The following CNTNAP2 variants were observed in gnomAD, a reference collection of about 807,000 sequenced individuals.
CNTNAP2 encodes contactin-associated protein-like 2.
A neutral mutation model predicts 155.2 loss-of-function variants in CNTNAP2; 98 were observed. The observed-to-expected ratio is 0.63, with a 90% CI of 0.54 to 0.75. The LOEUF is 0.75. CNTNAP2 is among the 30% of genes least tolerant of loss of function. CNTNAP2 has a pLI of 0.00. For missense variants in CNTNAP2, 1,727 were observed against 1,688.1 expected (o/e 1.02, Z -0.40); for synonymous variants, 651 against 631.2 (o/e 1.03, Z -0.47).
chr7:147,568,855 T>C (rs1584820495), intron 12 of CNTNAP2, among the ~76,000 whole-genome samples: 1 of 152,198 alleles, frequency 6.6e-6, no homozygotes, highest in South Asian at 2.1e-4. Flanking sequence ...TAATGCTCGA[T>C]CCAGCCATTA....
At chr7:148,247,172 T>C (rs1461709159) in intron 20 of CNTNAP2, among the ~76,000 whole-genome samples, 1 of 152,250 alleles carries the variant, frequency 6.6e-6, no homozygotes, top group Non-Finnish European at 1.5e-5. Flanking sequence ...TTGGTCCTTA[T>C]TGGCCATGAG....
chr7:148,399,849 C>T (rs1799544876), intron 22 of CNTNAP2, among the ~76,000 whole-genome samples: 1 of 151,322 alleles, frequency 6.6e-6, no homozygotes, highest in South Asian at 2.1e-4. Flanking sequence ...ATTTCAGCTC[C>T]CTCTCAGACA....
chr7:146,784,580 G>A (rs1802542423), intron 2 of CNTNAP2, among the ~76,000 whole-genome samples: 2 of 152,142 alleles, frequency 1.3e-5, no homozygotes, highest in South Asian at 4.1e-4. Flanking sequence ...TTGTTGATAT[G>A]GATCTAGATT....
intron 13 of CNTNAP2, among the ~76,000 whole-genome samples, chr7:147,698,460 CAACT>C (rs956454461): frequency 3.3e-5 from 5 of 152,078 alleles, no homozygotes; most frequent in East Asian, 1.9e-4. Flanking sequence ...TGTCAGTTAC[CAACT>C]GTCTATTAAA....
chr7:147,364,139 C>T (rs1010498024), intron 9 of CNTNAP2, among the ~76,000 whole-genome samples: 1 of 152,134 alleles, frequency 6.6e-6, no homozygotes, highest in Admixed American at 6.6e-5. Flanking sequence ...TGAGAGCTTA[C>T]ATTATCTTTT....
chr7:146,545,969 A>G (rs181464402), intron 1 of CNTNAP2, among the ~76,000 whole-genome samples: 18 of 152,082 alleles, frequency 1.2e-4, no homozygotes, highest in African/African-American at 4.3e-4. Flanking sequence ...AAAAATGAAA[A>G]CAATGGATCA....
At chr7:146,960,160 C>T (rs1414195785) in intron 3 of CNTNAP2, among the ~76,000 whole-genome samples, 1 of 152,118 alleles carries the variant, frequency 6.6e-6, no homozygotes, top group Non-Finnish European at 1.5e-5. Flanking sequence ...CTTATGCCAT[C>T]CTACTGGGGA....
intron 12 of CNTNAP2, among the ~76,000 whole-genome samples, chr7:147,636,201 A>C (rs1012546525): frequency 2.4e-4 from 36 of 152,170 alleles, no homozygotes; most frequent in African/African-American, 8.7e-4. Flanking sequence ...ATATATTACC[A>C]TGGGGGACAC....
intron 9 of CNTNAP2, among the ~76,000 whole-genome samples, chr7:147,371,050 T>C (rs996012716): frequency 6.6e-6 from 1 of 152,118 alleles, no homozygotes; most frequent in Non-Finnish European, 1.5e-5. Context: ...AATGGGTAAT[T>C]TAAAATAGCC....
At chr7:146,804,117 T>A (rs1267871594) in intron 2 of CNTNAP2, among the ~76,000 whole-genome samples, 1 of 152,104 alleles carries the variant, frequency 6.6e-6, no homozygotes, top group African/African-American at 2.4e-5. Context: ...ATTATATATA[T>A]GCAGGCACAG....
Position 147,441,924 on chromosome 7 carries a change from C to T in CNTNAP2, c.1671-44011C>T, listed in dbSNP as rs571343387. ...CCACGTGGAGCTGGGAGTGGAATGA[C>T]GTAAGCACCCCTATGGCAACCACCA... is the stretch of plus-strand genomic sequence containing the variant. On this transcript the variant is annotated intron_variant, in intron 10 of 23. Transcript: ENST00000361727. Among the ~76,000 whole-genome samples, 8 of 140,704 alleles carry T rather than the reference C, an allele frequency of 5.7e-5. No homozygotes were observed. In the East Asian group the frequency reaches 7.6e-4, roughly 13 times the overall value. The allele number at this position is 140,704 out of a possible 152,430, so 92.3% of individuals were successfully genotyped here.
intron 1 of CNTNAP2, among the ~76,000 whole-genome samples, chr7:146,763,273 A>G (rs1427888737): frequency 6.6e-6 from 1 of 152,110 alleles, no homozygotes; most frequent in Non-Finnish European, 1.5e-5. Flanking sequence ...TACTCCACAG[A>G]TATCAGATAA....
intron 1 of CNTNAP2, among the ~76,000 whole-genome samples, chr7:146,234,997 C>A (rs1192267292): frequency 6.6e-6 from 1 of 152,062 alleles, no homozygotes; most frequent in African/African-American, 2.4e-5. Context: ...TTGCAAACAC[C>A]TGGGACAAAG....
At chr7:147,040,605 C>G (rs1478793604) in intron 3 of CNTNAP2, among the ~76,000 whole-genome samples, 1 of 151,608 alleles carries the variant, frequency 6.6e-6, no homozygotes, top group African/African-American at 2.4e-5. Flanking sequence ...GGATTACAGG[C>G]GTGCATGACC....
At chr7:148,064,677 TAA>T (rs35247645) in intron 15 of CNTNAP2, among the ~76,000 whole-genome samples, 16,258 of 126,054 alleles carry the variant, frequency 0.13, 1,573 homozygotes, top group African/African-American at 0.28. Context: ...TAATAGCTGT[TAA>T]AAAAAAAAAA....
chr7:146,573,695 T>C (rs1293771054), intron 1 of CNTNAP2, among the ~76,000 whole-genome samples: 1 of 152,208 alleles, frequency 6.6e-6, no homozygotes, highest in Non-Finnish European at 1.5e-5. Flanking sequence ...TTTTTACTTA[T>C]CAAGCTTGCA....
chr7:147,220,674 C>T (rs762292648), intron 8 of CNTNAP2, among the ~76,000 whole-genome samples: 16 of 152,002 alleles, frequency 1.1e-4, no homozygotes, highest in Admixed American at 2.0e-4. Flanking sequence ...TGTATGATTA[C>T]GTGTTCTCTC....
chr7:146,517,100 T>C lies in CNTNAP2; in HGVS notation c.98-257171T>C, dbSNP rs531899489. On this transcript the variant is annotated intron_variant, in intron 1 of 23. Coordinates refer to ENST00000361727, the MANE Select transcript of CNTNAP2 (RefSeq NM_014141.6). The stretch of plus-strand genomic sequence containing the variant: ...CACGGTGATGAACTCTGGTGTCATC[T>C]TGCTCTGTCCCATACAGACCATAAA... 1.5e-3 allele frequency among the ~76,000 whole-genome samples: 229 copies of C among 152,124 alleles called. 1 individual carries two copies. The highest frequency in any genetic ancestry group is 5.4e-3 in the African/African-American group (223 of 41,548).
chr7:146,202,968 C>T (rs921475923), intron 1 of CNTNAP2, among the ~76,000 whole-genome samples: 7 of 152,114 alleles, frequency 4.6e-5, no homozygotes, highest in Admixed American at 2.0e-4. Context: ...AAATCCTGTT[C>T]TCTGATACAC....
Sources: gnomAD v4.1 joint callset for allele counts (sites outside exome capture counted in the v4.1 genomes callset) on GRCh38, gnomAD v4.1.1 for gene constraint, MANE v1.5 for transcripts, NCBI Gene and HGNC (gene_info 2026-07-23, HGNC 2026-07-21) for gene names.